Variants in ZNF718 observed in about 807,000 individuals in gnomAD.
ZNF718 encodes zinc finger protein 718.
ZNF718 carries 3 observed loss-of-function variants against 2.6 expected under a neutral mutation model. The ratio of observed to expected loss-of-function variants is 1.16; its 90% confidence interval spans 0.53 to 3.01. The LOEUF (loss-of-function observed/expected upper bound fraction) is 3.01, where lower values mean the gene tolerates loss of function less well. ZNF718 is among the 30% of genes most tolerant of loss of function. ZNF718 has a pLI of 0.03. For missense variants in ZNF718, 468 were observed against 230.0 expected, an observed-to-expected ratio of 2.03 and a Z score of -6.69; for synonymous variants, 135 against 77.9, an observed-to-expected ratio of 1.73 and a Z score of -3.86.
chr4:125,618 A>C (rs1346575304), intron 1 of ZNF718, among the ~76,000 whole-genome samples: 2 of 152,176 alleles, frequency 1.3e-5, no homozygotes, highest in Non-Finnish European at 2.9e-5. Flanking sequence ...CGGGTTCTGC[A>C]CAGGCGCTGT....
chr4:171,547 G>A (rs1717230531), intron 3 of ZNF718, among the ~76,000 whole-genome samples: 1 of 152,046 alleles, frequency 6.6e-6, no homozygotes, highest in Admixed American at 6.5e-5. Context: ...GCAATGGTGG[G>A]CGCCCCTCCC....
At chr4:158,212 T>A (rs1166335029) in intron 3 of ZNF718, among the ~76,000 whole-genome samples, 1 of 152,140 alleles carries the variant, frequency 6.6e-6, no homozygotes, top group African/African-American at 2.4e-5. Context: ...TTTGGTTATT[T>A]GCATGAAATG....
At chr4:143,487 AG>A (rs1184831399) in intron 3 of ZNF718, among the ~76,000 whole-genome samples, 5 of 152,190 alleles carry the variant, frequency 3.3e-5, no homozygotes, top group African/African-American at 4.8e-5. Context: ...TGCACGGCCA[AG>A]GGGGAAGTTT....
At chr4:192,658 C>T (rs557522460) in intron 3 of ZNF718, among the ~76,000 whole-genome samples, 85 of 152,208 alleles carry the variant, frequency 5.6e-4, no homozygotes, top group African/African-American at 7.0e-4. Context: ...GAGATTTCCT[C>T]GGGAGGGGTG....
intron 3 of ZNF718, among the ~76,000 whole-genome samples, chr4:188,916 G>C (rs1167821971): frequency 6.6e-6 from 1 of 151,470 alleles, no homozygotes; most frequent in Admixed American, 6.6e-5. Context: ...ACTGATATCA[G>C]AAGTAAATTT....
At position 161,749 on chromosome 4, in the gene ZNF718, C is replaced by G. The variant is rs377670108; in HGVS notation, c.1064C>G (p.Thr355Arg). 1.8e-5 allele frequency: 14 copies of G among 779,536 alleles called. No homozygotes were observed. The highest frequency in any genetic ancestry group is 5.1e-5 in the African/African-American group (3 of 58,948). 48.3% of individuals were successfully genotyped at this position (779,536 alleles called of 1,614,324 possible). A position where few individuals can be genotyped will look rare whatever the true frequency, so the allele number is the denominator to read the frequency against. ...GKSFNRSTTL[T>R]THKRIHTGEK... ...TCCTTTAATAGGTCCACAACTCTTA[C>G]GACACATAAGAGAATCCATACTGGA... The change falls in exon 4 of 4, where the codon ACG (threonine) becomes AGG (arginine). Residue 355 changes from threonine to arginine, a missense_variant. Thr to Arg is a moderately conservative substitution (Grantham distance 71). Coordinates refer to ENST00000510175, the MANE Select transcript of ZNF718 (RefSeq NM_001039127.6).
intron 3 of ZNF718, among the ~76,000 whole-genome samples, chr4:134,511 A>G (rs1009066843): frequency 1.2e-4 from 18 of 152,208 alleles, no homozygotes; most frequent in African/African-American, 4.3e-4. Context: ...ACTGTGAAAA[A>G]TGACACTAAA....
intron 3 of ZNF718, among the ~76,000 whole-genome samples, chr4:145,580 A>G (rs529546563): frequency 1.1e-4 from 16 of 151,780 alleles, no homozygotes; most frequent in African/African-American, 3.9e-4. Context: ...TTCCCACCTT[A>G]CCCTCCTGAG....
downstream of ZNF718, among the ~76,000 whole-genome samples, chr4:164,402 A>G (rs1252177581): frequency 1.3e-5 from 2 of 151,978 alleles, no homozygotes; most frequent in East Asian, 3.9e-4. Context: ...AAAACCTAAA[A>G]TATTCTGGAA....
At chr4:125,802 G>T (rs889912035) in intron 1 of ZNF718, among the ~76,000 whole-genome samples, 2 of 152,170 alleles carry the variant, frequency 1.3e-5, no homozygotes, top group African/African-American at 4.8e-5. Context: ...GCCACACCTG[G>T]CCTAAGACAG....
intron 3 of ZNF718, among the ~76,000 whole-genome samples, chr4:175,166 G>A (rs1415189369): frequency 1.3e-5 from 2 of 152,180 alleles, no homozygotes; most frequent in African/African-American, 2.4e-5. Context: ...GAGGCCATCC[G>A]GAGTTTGCCT....
At chr4:185,234 A>G (rs782403484) in intron 3 of ZNF718, among the ~76,000 whole-genome samples, 1 of 152,094 alleles carries the variant, frequency 6.6e-6, no homozygotes, top group East Asian at 1.9e-4. Context: ...GAACTTCTTG[A>G]TATTTGCCTT....
chr4:182,687 C>G (rs188619385), intron 3 of ZNF718, among the ~76,000 whole-genome samples: 240 of 152,222 alleles, frequency 1.6e-3, no homozygotes, highest in African/African-American at 5.4e-3. Context: ...CCCACCTCAG[C>G]CTCCCAAAAT....
At chr4:124,698 C>A in intron 1 of ZNF718, 25 bp downstream of exon 1, 1 of 1,608,844 alleles carries the variant, frequency 6.2e-7, no homozygotes, top group Non-Finnish European at 8.5e-7. Context: ...CAGGGCGTCC[C>A]AAGGCTGTGG....
downstream of ZNF718, among the ~76,000 whole-genome samples, chr4:164,816 A>C (rs1553816436): frequency 6.6e-6 from 1 of 152,172 alleles, no homozygotes; most frequent in Non-Finnish European, 1.5e-5. Context: ...TTTATAACTT[A>C]TGAGGATGTT....
intron 3 of ZNF718, among the ~76,000 whole-genome samples, chr4:175,738 C>A (rs782121274): frequency 6.6e-6 from 1 of 152,022 alleles, no homozygotes; most frequent in Non-Finnish European, 1.5e-5. Context: ...GCCTTTGTTA[C>A]CATAAACCAA....
At chr4:189,933 A>G (rs1553820915) in intron 3 of ZNF718, among the ~76,000 whole-genome samples, 1 of 152,198 alleles carries the variant, frequency 6.6e-6, no homozygotes, top group East Asian at 1.9e-4. Flanking sequence ...TTAAGCCAAC[A>G]CTGCATTTGT....
chr4:158,892 C>CTT (rs587673139), intron 3 of ZNF718, among the ~76,000 whole-genome samples: 5 of 139,460 alleles, frequency 3.6e-5, no homozygotes, highest in African/African-American at 1.3e-4. Context: ...TTTCTTTAGC[C>CTT]TTTTTTTTTT....
rs782813481 is a variant in ZNF718 at position 162,142 on chromosome 4, G to A, written c.*20G>A. 1.9e-5 allele frequency: 13 copies of A among 694,582 alleles called. No homozygotes were observed. The highest frequency in any genetic ancestry group is 1.8e-4 in the African/African-American group (10 of 56,272). 43.0% of individuals were successfully genotyped at this position (694,582 alleles called of 1,614,324 possible). On this transcript the variant is annotated 3_prime_UTR_variant, in exon 4 of 4. Coordinates refer to ENST00000510175, the MANE Select transcript of ZNF718 (RefSeq NM_001039127.6). The stretch of plus-strand genomic sequence containing the variant: ...TTTTAGAAATGTGAAGAATGTGGGA[G>A]CCTTTAAGTCTTCCTCAGTCTTTTC...
Sources: allele counts gnomAD v4.1 joint callset (sites outside exome capture counted in the v4.1 genomes callset), GRCh38; gene constraint gnomAD v4.1.1; transcripts MANE v1.5; gene names NCBI Gene and HGNC (gene_info 2026-07-23, HGNC 2026-07-21).